The following CDH2 variants were observed in gnomAD, a reference collection of about 807,000 sequenced individuals.
CDH2 encodes cadherin 2, also known as cadherin-2.
CDH2 carries 17 observed loss-of-function variants against 92.0 expected under a neutral mutation model. The ratio of observed to expected loss-of-function variants is 0.18; its 90% CI spans 0.13 to 0.28. The LOEUF (loss-of-function observed/expected upper bound fraction) is 0.28. Ranked by LOEUF, CDH2 falls within the 10% of genes least tolerant of loss-of-function variation. The pLI is 1.00. For missense variants in CDH2, 862 were observed against 1,133.1 expected (o/e 0.76, Z 3.44); for synonymous variants, 419 against 415.9 (o/e 1.01, Z -0.09).
At chr18:28,087,254 T>C (rs988707078) in intron 2 of CDH2, among the ~76,000 whole-genome samples, 1 of 152,168 alleles carries the variant, frequency 6.6e-6, no homozygotes, top group Non-Finnish European at 1.5e-5. Context: ...GGGCTGTGCA[T>C]CTGTGTGAAG....
rs1038990062 is a variant in CDH2, at chr18:28,103,204, T to A, written c.172+44469A>T. On this transcript the variant is annotated intron_variant, in intron 2 of 15. Coordinates refer to ENST00000269141, the MANE Select transcript of CDH2 (RefSeq NM_001792.5). Reference sequence around the variant, plus strand: ...ATATATATAAAAACTCCTTTATATATATATAAAGTACATATATAAAAACTC... The same window carrying A: ...ATATATATAAAAACTCCTTTATATAAATATAAAGTACATATATAAAAACTC... 2.1e-5 allele frequency among the ~76,000 whole-genome samples: 3 copies of A among 145,974 alleles called. No homozygotes were observed. In the Admixed American group the frequency reaches 2.1e-4, roughly 10 times the overall value.
In CDH2 at chr18:27,951,161, CT is replaced by C. The variant is rs17497862; in HGVS notation, c.*991del. 117,968 of 128,386 alleles carry C rather than the reference CT, an allele frequency of 0.92. 54,653 individuals carry two copies. Among genetic ancestry groups the C allele is most frequent in the Middle Eastern group, 0.99 (261 of 264 alleles). 8.0% of individuals were successfully genotyped at this position (128,386 alleles called of 1,614,324 possible). ...TCAGGCCACCCCTTTCTTTCCTTTC[CT>C]TTTTTTTTTTTTTTGGTACAAATTA... On this transcript the variant is annotated 3_prime_UTR_variant, in exon 16 of 16. Coordinates refer to ENST00000269141, the MANE Select transcript of CDH2 (RefSeq NM_001792.5).
intron 1 of CDH2, among the ~76,000 whole-genome samples, chr18:28,154,042 C>G (rs2144339400): frequency 6.6e-6 from 1 of 152,282 alleles, no homozygotes. Context: ...CAAGTGGTGG[C>G]CACACATCCA....
chr18:27,972,212 T>C (rs2011682182), intron 14 of CDH2, among the ~76,000 whole-genome samples: 1 of 152,184 alleles, frequency 6.6e-6, no homozygotes, highest in African/African-American at 2.4e-5. Flanking sequence ...ATTTTAACTT[T>C]GTTAATGTCA....
intron 2 of CDH2, among the ~76,000 whole-genome samples, chr18:28,121,515 T>C (rs1327431740): frequency 1.3e-5 from 2 of 152,116 alleles, no homozygotes; most frequent in African/African-American, 2.4e-5. Context: ...CTTCTCTATA[T>C]TCTGCACCAA....
At chr18:28,073,914 A>T (rs1458164033) in intron 2 of CDH2, among the ~76,000 whole-genome samples, 1 of 152,182 alleles carries the variant, frequency 6.6e-6, no homozygotes, top group African/African-American at 2.4e-5. Flanking sequence ...GATAATGCAT[A>T]CAAAGGGCTC....
downstream of CDH2, among the ~76,000 whole-genome samples, chr18:27,946,220 TA>T (rs1909265067): frequency 5.3e-5 from 8 of 152,166 alleles, 1 homozygote; most frequent in South Asian, 1.7e-3. Flanking sequence ...AACAAATTAA[TA>T]GGCTTGGAGA....
chr18:27,968,908 T>C (rs149487633), intron 14 of CDH2, among the ~76,000 whole-genome samples: 265 of 152,220 alleles, frequency 1.7e-3, no homozygotes, highest in African/African-American at 5.9e-3. Context: ...AAATGGAAGG[T>C]GGGAGAGAAG....
intron 7 of CDH2, among the ~76,000 whole-genome samples, chr18:27,996,016 C>G (rs1025729921): frequency 1.3e-5 from 2 of 152,110 alleles, no homozygotes; most frequent in African/African-American, 4.8e-5. Flanking sequence ...CGACTTCCCA[C>G]TCTCATAGTA....
rs772890567 is a variant in CDH2 at position 27,938,183 on chromosome 18, G to GT, written c.1152-5060dup. On this transcript the variant is annotated intron_variant, in intron 6 of 6. Transcript: ENST00000675173. ...TCCCCCTTCGCCTTCCACCAAGATT[G>GT]TAAGTTTTCTGAGGCCTCCCCGGAA... Among the ~76,000 whole-genome samples, 221 of 152,136 alleles carry GT rather than the reference G, an allele frequency of 1.5e-3. 1 individual carries two copies. Among genetic ancestry groups the GT allele is most frequent in the African/African-American group, 4.7e-3 (193 of 41,496 alleles).
intron 1 of CDH2, among the ~76,000 whole-genome samples, chr18:28,172,076 G>GGTGTGTGTGT (rs34158369): frequency 6.8e-6 from 1 of 146,488 alleles, no homozygotes; most frequent in African/African-American, 2.5e-5. Flanking sequence ...ATACATTTGG[G>GGTGTGTGTGT]GTGTGTGTGT....
chr18:27,985,716 A>C lies in CDH2; in HGVS notation c.1787T>G (p.Leu596Arg). 6.2e-7 allele frequency: 1 copy of C among 1,613,852 alleles called. No homozygotes were observed. The highest frequency in any genetic ancestry group is 1.7e-4 in the Middle Eastern group (1 of 6,058). Residue 596 changes from leucine to arginine, a missense_variant, in exon 12 of 16, where the codon CTT becomes CGT. Transcript: ENST00000269141. ...SGTGTLQIYL[L>R]DINDNAPQVL... is the part of the protein sequence containing the mutation. ...TTGAGGGGCATTGTCATTAATATCA[A>C]GTAAATAGATCTGCAGCGTTCCTGT...
At chr18:28,085,934 C>G (rs892499955) in intron 2 of CDH2, among the ~76,000 whole-genome samples, 1 of 152,126 alleles carries the variant, frequency 6.6e-6, no homozygotes, top group African/African-American at 2.4e-5. Flanking sequence ...AGGTTATTAA[C>G]TACCACTGTA....
rs370810563 is a variant in CDH2, at chr18:28,046,186, G to A, written c.173-32277C>T. Among the ~76,000 whole-genome samples, 15 of 152,028 alleles carry A rather than the reference G, an allele frequency of 9.9e-5. No individual in the cohort carries two copies. In the East Asian group the frequency reaches 2.7e-3, roughly 27 times the overall value. ...TTCACAGTCTAAATAATTTAAATACGGTGCATTACAGAGCAGCACCAGAAA... is the reference window on the plus strand; with the variant it reads ...TTCACAGTCTAAATAATTTAAATACAGTGCATTACAGAGCAGCACCAGAAA... On this transcript the variant is annotated intron_variant, in intron 2 of 15. Transcript: ENST00000269141.
chr18:28,090,981 A>G (rs978375220), intron 2 of CDH2, among the ~76,000 whole-genome samples: 4 of 152,210 alleles, frequency 2.6e-5, no homozygotes, highest in African/African-American at 9.6e-5. Context: ...ATTTGTCTCT[A>G]CAAGATAATA....
At chr18:28,084,335 C>T (rs575166470) in intron 2 of CDH2, among the ~76,000 whole-genome samples, 2 of 152,158 alleles carry the variant, frequency 1.3e-5, no homozygotes, top group South Asian at 2.1e-4. Flanking sequence ...TGTTTCTTTG[C>T]TATTTTGTTT....
At chr18:28,027,135 T>C (rs1369033320) in intron 2 of CDH2, among the ~76,000 whole-genome samples, 4 of 152,068 alleles carry the variant, frequency 2.6e-5, no homozygotes, top group African/African-American at 9.7e-5. Flanking sequence ...GGACTTAGCA[T>C]GAATATCGGT....
At chr18:28,006,167 T>C (rs1243106700) in intron 5 of CDH2, among the ~76,000 whole-genome samples, 174 bp from the exon 6 acceptor site, 4 of 152,178 alleles carry the variant, frequency 2.6e-5, no homozygotes, top group African/African-American at 9.7e-5. Context: ...ATAGATATAG[T>C]AGCAAAAAGC....
chr18:28,017,623 G>A (rs778686884), intron 2 of CDH2, among the ~76,000 whole-genome samples: 1 of 151,910 alleles, frequency 6.6e-6, no homozygotes, highest in African/African-American at 2.4e-5. Flanking sequence ...GTTGTGCTCT[G>A]ACCTTGGTTA....
Sources: gnomAD v4.1 joint callset for allele counts (sites outside exome capture counted in the v4.1 genomes callset) on GRCh38, gnomAD v4.1.1 for gene constraint, MANE v1.5 for transcripts, NCBI Gene and HGNC (gene_info 2026-07-23, HGNC 2026-07-21) for gene names.